The following CHST15 variants were observed in gnomAD, a reference collection of about 807,000 sequenced individuals.
CHST15 encodes carbohydrate sulfotransferase 15.
A neutral mutation model predicts 53.6 loss-of-function variants in CHST15; 30 were observed. The ratio of observed to expected loss-of-function variants is 0.56; its 90% confidence interval spans 0.42 to 0.76. CHST15 has a LOEUF of 0.76. Among genes scored for constraint, CHST15 ranks in the 30% least tolerant of loss-of-function variants. The probability of loss-of-function intolerance (pLI) is 0.00; values close to 1 mark genes in which losing one functional copy is unlikely to be tolerated. For missense variants in CHST15, 627 were observed against 740.5 expected, an observed-to-expected ratio of 0.85 and a Z score of 1.78; for synonymous variants, 296 against 289.8, an observed-to-expected ratio of 1.02 and a Z score of -0.22.
intron 1 of CHST15, among the ~76,000 whole-genome samples, chr10:124,058,661 G>A (rs778155376): frequency 2.0e-5 from 3 of 152,204 alleles, no homozygotes; most frequent in South Asian, 2.1e-4. Context: ...GTAAGGAGGC[G>A]AGGCTGGACT....
At position 124,044,691 on chromosome 10, in the gene CHST15, T is replaced by C. The variant is rs757620385; in HGVS notation, c.775A>G (p.Ile259Val). The change falls in exon 3 of 8, where the codon ATA becomes GTA. Residue 259 changes from isoleucine to valine, a missense_variant. Ile to Val is a conservative substitution (Grantham distance 29). Transcript: ENST00000435907. ...RLRCLPHFYI[I>V]GQPKCGTTDL... ...GTGGTCCCGCACTTGGGCTGCCCTA[T>C]GATGTAGAAGTGCGGCAGGCAGCGC... The C allele has an allele frequency of 6.2e-7, 1 of 1,613,812 alleles. No individual in the cohort carries two copies. The highest frequency in any genetic ancestry group is 1.1e-5 in the South Asian group (1 of 91,068).
intron 1 of CHST15, among the ~76,000 whole-genome samples, chr10:124,078,988 A>C (rs1949158092): frequency 6.6e-6 from 1 of 152,196 alleles, no homozygotes; most frequent in African/African-American, 2.4e-5. Context: ...AGCATATAGG[A>C]GTGCCAAGAG....
In CHST15 at chr10:124,010,257, C is replaced by T. The variant is rs1327293077; in HGVS notation, c.1578G>A (p.Gly526=). ...TCTTCTGTGTGATGGGCCACATGGG[C>T]CCCAGGTTCCGGTCCTCGGGACGCC... ...NARRPEDRNL[G]PMWPITQKIL... The change falls in exon 8 of 8, where the codon GGG becomes GGA. Residue 526 remains glycine (G), a synonymous_variant. Coordinates refer to ENST00000435907, the MANE Select transcript of CHST15 (RefSeq NM_001270764.2). 13 of 1,613,918 alleles carry T rather than the reference C, an allele frequency of 8.1e-6. No individual in the cohort carries two copies. In the Admixed American group the frequency reaches 8.3e-5, roughly 10 times the overall value.
At chr10:124,038,035 C>T (rs117705606) in intron 5 of CHST15, among the ~76,000 whole-genome samples, 1,885 of 152,240 alleles carry the variant, frequency 0.012, 58 homozygotes, top group South Asian at 0.1. Context: ...TGGGGACAGC[C>T]TCAAGAATAA....
intron 1 of CHST15, among the ~76,000 whole-genome samples, chr10:124,087,083 A>T (rs1949454531): frequency 6.6e-6 from 1 of 152,232 alleles, no homozygotes; most frequent in South Asian, 2.1e-4. Context: ...CAGGGGTTAC[A>T]AAAGGGAACA....
chr10:124,010,394 G>T, intron 7 of CHST15, 55 bp from the exon 8 acceptor site: 1 of 1,477,250 alleles, frequency 6.8e-7, no homozygotes, highest in South Asian at 1.4e-5. Context: ...GGAAGTAAAA[G>T]GGACTTTGCA....
intron 1 of CHST15, among the ~76,000 whole-genome samples, chr10:124,084,005 T>C (rs1012676180): frequency 7.2e-5 from 11 of 152,070 alleles, no homozygotes; most frequent in Admixed American, 3.9e-4. Context: ...GCCCACACAA[T>C]GTTTCAGAGA....
chr10:124,054,492 A>C (rs1329946926), intron 1 of CHST15, among the ~76,000 whole-genome samples: 2 of 152,198 alleles, frequency 1.3e-5, no homozygotes, highest in Non-Finnish European at 1.5e-5. Context: ...CCAAGATCAG[A>C]TCTCTACAAT....
intron 1 of CHST15, among the ~76,000 whole-genome samples, chr10:124,080,962 C>T (rs1303614865): frequency 6.6e-6 from 1 of 152,168 alleles, no homozygotes; most frequent in Non-Finnish European, 1.5e-5. Context: ...GTGGCAGAGA[C>T]ACAAAGGAAG....
intron 5 of CHST15, among the ~76,000 whole-genome samples, chr10:124,021,983 C>T (rs535332724): frequency 1.3e-5 from 2 of 152,298 alleles, no homozygotes; most frequent in Admixed American, 1.3e-4. Context: ...CACATATGCA[C>T]AGGAATACCT....
At chr10:124,081,496 G>T (rs1297409729) in intron 1 of CHST15, among the ~76,000 whole-genome samples, 1 of 152,230 alleles carries the variant, frequency 6.6e-6, no homozygotes, top group Non-Finnish European at 1.5e-5. Flanking sequence ...CTCCGTGGGG[G>T]TTGCAAAGCG....
In CHST15 at chr10:124,088,302, C is replaced by G. The variant is rs551637373; in HGVS notation, c.-513+5167G>C. 2.0e-5 allele frequency among the ~76,000 whole-genome samples: 3 copies of G among 152,364 alleles called. No individual in the cohort carries two copies. In the South Asian group the frequency reaches 6.2e-4, roughly 32 times the overall value. ...TGTCAACGGCGTTACATAACTCTGA[C>G]TTGCACGAGCTCCGCCTCGCCCACT... On this transcript the variant is annotated intron_variant, in intron 1 of 7. Coordinates refer to ENST00000435907, the MANE Select transcript of CHST15 (RefSeq NM_001270764.2).
chr10:124,012,931 C>T (rs1434063678), intron 6 of CHST15, among the ~76,000 whole-genome samples: 2 of 152,192 alleles, frequency 1.3e-5, no homozygotes, highest in Non-Finnish European at 2.9e-5. Flanking sequence ...TGCCTGATGC[C>T]AGAGGAACAT....
chr10:124,064,184 CA>C (rs144973573), intron 1 of CHST15, among the ~76,000 whole-genome samples: 20 of 144,030 alleles, frequency 1.4e-4, no homozygotes, highest in Middle Eastern at 3.5e-3. Flanking sequence ...AACGAAATCT[CA>C]AAAAAAAAAA....
intron 1 of CHST15, among the ~76,000 whole-genome samples, chr10:124,055,859 T>A (rs117247928): frequency 0.014 from 2,147 of 152,226 alleles, 81 homozygotes; most frequent in East Asian, 0.1. Flanking sequence ...GCTCCTGGGA[T>A]CCCTGAGGAT....
chr10:124,067,113 G>A (rs191235446), intron 1 of CHST15, among the ~76,000 whole-genome samples: 1 of 152,316 alleles, frequency 6.6e-6, no homozygotes, highest in Non-Finnish European at 1.5e-5. Context: ...TTAGTGCTGG[G>A]AACACCAGGA....
At chr10:124,050,569 CA>C (rs975120565) in intron 1 of CHST15, among the ~76,000 whole-genome samples, 2 of 152,144 alleles carry the variant, frequency 1.3e-5, no homozygotes. Flanking sequence ...ATGTCACAAC[CA>C]AAAATGTCTC....
At chr10:124,081,400 A>G (rs1293704986) in intron 1 of CHST15, among the ~76,000 whole-genome samples, 1 of 151,872 alleles carries the variant, frequency 6.6e-6, no homozygotes, top group African/African-American at 2.4e-5. Context: ...ACGCGTGCAC[A>G]CACACACAAA....
intron 6 of CHST15, among the ~76,000 whole-genome samples, chr10:124,017,273 C>G (rs1590183421): frequency 6.6e-6 from 1 of 152,300 alleles, no homozygotes; most frequent in East Asian, 1.9e-4. Flanking sequence ...CCCACACCTG[C>G]CCCACTTTTC....
Sources: gnomAD v4.1 joint callset for allele counts (sites outside exome capture counted in the v4.1 genomes callset) on GRCh38, gnomAD v4.1.1 for gene constraint, MANE v1.5 for transcripts, NCBI Gene and HGNC (gene_info 2026-07-23, HGNC 2026-07-21) for gene names.